Variants in DPYD observed in about 807,000 individuals in gnomAD.
The protein encoded by DPYD is dihydropyrimidine dehydrogenase [NADP(+)].
In DPYD, 109 loss-of-function variants were observed where a neutral mutation model predicts 116.2. That is an observed-to-expected ratio of 0.94 (90% CI 0.80 to 1.10). The LOEUF (loss-of-function observed/expected upper bound fraction) is 1.10, where lower values mean the gene tolerates loss of function less well. Ranked by LOEUF, DPYD falls within the 50% of genes least tolerant of loss-of-function variation. DPYD has a pLI of 0.00. For synonymous variants in DPYD, 440 were observed against 432.0 expected (o/e 1.02, Z -0.23); for missense variants, 1,302 against 1,254.5 (o/e 1.04, Z -0.57).
At chr1:97,136,707 T>C (rs760802500) in intron 20 of DPYD, among the ~76,000 whole-genome samples, 1 of 152,148 alleles carries the variant, frequency 6.6e-6, no homozygotes, top group Non-Finnish European at 1.5e-5. Context: ...CACGAACGAA[T>C]AGTCTGAACT....
At chr1:97,184,562 C>T (rs776776718) in intron 20 of DPYD, among the ~76,000 whole-genome samples, 8 of 152,124 alleles carry the variant, frequency 5.3e-5, no homozygotes, top group Admixed American at 2.0e-4. Flanking sequence ...CATGTATCCA[C>T]GTCGCTGTGA....
chr1:97,294,872 A>G (rs984422422), intron 18 of DPYD, among the ~76,000 whole-genome samples: 6 of 152,166 alleles, frequency 3.9e-5, no homozygotes, highest in African/African-American at 1.4e-4. Context: ...GACTGAGTGA[A>G]ACAGGTAATA....
intron 4 of DPYD, among the ~76,000 whole-genome samples, chr1:97,723,665 C>T (rs2101030845): frequency 6.6e-6 from 1 of 151,540 alleles, no homozygotes; most frequent in Admixed American, 6.6e-5. Context: ...TTTATTCCCC[C>T]AAATTGGATC....
intron 13 of DPYD, among the ~76,000 whole-genome samples, chr1:97,464,069 T>A (rs983834033): frequency 6.6e-6 from 1 of 151,878 alleles, no homozygotes; most frequent in Admixed American, 6.6e-5. Flanking sequence ...TGACACCCTG[T>A]CTCTACTAAA....
intron 13 of DPYD, among the ~76,000 whole-genome samples, chr1:97,511,570 C>T (rs1647803028): frequency 6.6e-6 from 1 of 151,710 alleles, no homozygotes; most frequent in South Asian, 2.1e-4. Context: ...TTATTTATTC[C>T]ATGATGTATC....
chr1:97,145,599 G>T (rs1654556829), intron 20 of DPYD, among the ~76,000 whole-genome samples: 1 of 152,064 alleles, frequency 6.6e-6, no homozygotes, highest in African/African-American at 2.4e-5. Flanking sequence ...TTTGGACAGG[G>T]TATTATAATA....
chr1:97,851,249 C>CATATAT (rs60887494), intron 2 of DPYD, among the ~76,000 whole-genome samples: 88,395 of 146,530 alleles, frequency 0.6, 27,905 homozygotes, highest in East Asian at 0.85. Context: ...GTCTAATTAC[C>CATATAT]ATATATATAT....
intron 4 of DPYD, among the ~76,000 whole-genome samples, chr1:97,732,521 T>C (rs1367766880): frequency 2.0e-5 from 3 of 150,570 alleles, no homozygotes; most frequent in African/African-American, 7.3e-5. Context: ...AAGTTATATA[T>C]ATATCAAAAC....
At chr1:97,314,971 T>C (rs1341780657) in intron 16 of DPYD, among the ~76,000 whole-genome samples, 1 of 151,930 alleles carries the variant, frequency 6.6e-6, no homozygotes, top group East Asian at 1.9e-4. Flanking sequence ...CCATGTTGCA[T>C]CAAAGAAATG....
intron 16 of DPYD, among the ~76,000 whole-genome samples, chr1:97,331,639 A>C (rs527293796): frequency 6.6e-6 from 1 of 152,332 alleles, no homozygotes; most frequent in South Asian, 2.1e-4. Flanking sequence ...AGGAGGAAAG[A>C]AAGACTAAAG....
intron 8 of DPYD, among the ~76,000 whole-genome samples, chr1:97,629,966 T>C (rs1571090029): frequency 6.6e-6 from 1 of 152,186 alleles, no homozygotes. Flanking sequence ...ATAAAGTATG[T>C]AACCTTTTAG....
intron 1 of DPYD, among the ~76,000 whole-genome samples, chr1:97,916,222 A>T (rs1212756683): frequency 2.0e-5 from 3 of 152,136 alleles, no homozygotes; most frequent in Non-Finnish European, 4.4e-5. Flanking sequence ...TTTAGGGTAC[A>T]TGTGTACAAC....
chr1:97,815,505 A>C (rs1668557878), intron 3 of DPYD, among the ~76,000 whole-genome samples: 1 of 152,202 alleles, frequency 6.6e-6, no homozygotes, highest in Admixed American at 6.5e-5. Flanking sequence ...AAAATGTTTC[A>C]AGAAAGGATA....
chr1:97,686,349 C>T (rs1174112055), intron 7 of DPYD, among the ~76,000 whole-genome samples: 1 of 151,586 alleles, frequency 6.6e-6, no homozygotes, highest in Non-Finnish European at 1.5e-5. Flanking sequence ...TAAAGACTTA[C>T]ATATAGGCCG....
intron 13 of DPYD, among the ~76,000 whole-genome samples, chr1:97,506,782 T>C (rs1647368302): frequency 6.6e-6 from 1 of 152,040 alleles, no homozygotes. Flanking sequence ...GTTAAAAATA[T>C]TACTTTGGCT....
chr1:97,156,428 C>T (rs1419315131), intron 20 of DPYD, among the ~76,000 whole-genome samples: 1 of 151,938 alleles, frequency 6.6e-6, no homozygotes, highest in Non-Finnish European at 1.5e-5. Context: ...AAGAAAAAAA[C>T]AAACAACCCC....
At chr1:97,695,518 A>G (rs1364760062) in intron 6 of DPYD, among the ~76,000 whole-genome samples, 14 of 150,966 alleles carry the variant, frequency 9.3e-5, no homozygotes. Context: ...GGCCCATGAG[A>G]AGGCACTTTG....
chr1:97,545,640 G>T, intron 12 of DPYD: 5 of 618,332 alleles, frequency 8.1e-6, no homozygotes, highest in Non-Finnish European at 1.2e-5. Flanking sequence ...TGCCCTGTTG[G>T]AGGTACAGAT....
intron 8 of DPYD, among the ~76,000 whole-genome samples, chr1:97,611,584 T>C (rs1347006112): frequency 6.6e-6 from 1 of 152,088 alleles, no homozygotes; most frequent in African/African-American, 2.4e-5. Context: ...TAACTTTTTC[T>C]ATACATCAGA....
Sources: allele counts gnomAD v4.1 joint callset (sites outside exome capture counted in the v4.1 genomes callset), GRCh38; gene constraint gnomAD v4.1.1; transcripts MANE v1.5; gene names NCBI Gene and HGNC (gene_info 2026-07-23, HGNC 2026-07-21).